The following IQSEC1 variants were observed in gnomAD, a reference collection of about 807,000 sequenced individuals.
IQSEC1 encodes IQ motif and SEC7 domain-containing protein 1.
IQSEC1 carries 31 observed loss-of-function variants against 91.0 expected under a neutral mutation model. That is an observed-to-expected ratio of 0.34 (90% CI 0.26 to 0.46). The LOEUF (loss-of-function observed/expected upper bound fraction) is 0.46. Ranked by LOEUF, IQSEC1 falls within the 20% of genes least tolerant of loss-of-function variation. The pLI is 1.00. For synonymous variants in IQSEC1, 699 were observed against 662.6 expected (o/e 1.05, Z -0.84); for missense variants, 1,388 against 1,575.6 (o/e 0.88, Z 2.02).
chr3:12,911,571 A>C, intron 10 of IQSEC1, 58 bp downstream of exon 10: 1 of 1,309,998 alleles, frequency 7.6e-7, no homozygotes, highest in Non-Finnish European at 1.1e-6. Context: ...AGCAGCCAGG[A>C]GAAAGAGCGT....
intron 1 of IQSEC1, among the ~76,000 whole-genome samples, chr3:12,999,646 C>G (rs1702346924): frequency 6.6e-6 from 1 of 152,152 alleles, no homozygotes; most frequent in East Asian, 1.9e-4. Context: ...CCGTCCCGCC[C>G]CCTGCACTTT....
At position 13,047,190 on chromosome 3, in the gene IQSEC1, A is replaced by G. The variant is rs530216617; in HGVS notation, c.23+25802T>C. ...GGATCTCGGAAGAACTATCAGCTGC[A>G]GCCTGATCCTCCGAGGGGCCTTCAG... On this transcript the variant is annotated intron_variant, in intron 1 of 13. Coordinates refer to ENST00000613206, the MANE Select transcript of IQSEC1 (RefSeq NM_001134382.3). Among the ~76,000 whole-genome samples the G allele has an allele frequency of 2.0e-5, 3 of 152,310 alleles. No homozygotes were observed. In the South Asian group the frequency reaches 6.2e-4, roughly 32 times the overall value.
intron 1 of IQSEC1, among the ~76,000 whole-genome samples, chr3:13,235,491 G>A (rs540803017): frequency 1.9e-4 from 29 of 152,250 alleles, no homozygotes; most frequent in Non-Finnish European, 2.2e-4. Context: ...CAAAATCCCT[G>A]GTGCTGAGCT....
Position 13,214,571 on chromosome 3 carries a change from C to T in IQSEC1, c.273-50438G>A, listed in dbSNP as rs9990022. Among the ~76,000 whole-genome samples, 26,202 of 152,252 alleles carry T rather than the reference C, an allele frequency of 0.17. 3,111 individuals carry two copies. The highest frequency in any genetic ancestry group is 0.33 in the East Asian group (1,711 of 5,160). The stretch of plus-strand genomic sequence containing the variant: ...CTGGGGCCTCTCACTGCCAGGTGGA[C>T]GAACCAGGGCAGGAATCCTAGCAGA... On this transcript the variant is annotated intron_variant, in intron 1 of 15. Transcript: ENST00000648114. The surrounding 1 kb of genome is among the most constrained non-coding windows in gnomAD (Gnocchi z 4.5).
chr3:13,101,496 G>A (rs944160246), intron 2 of IQSEC1, among the ~76,000 whole-genome samples: 1 of 151,928 alleles, frequency 6.6e-6, no homozygotes, highest in Non-Finnish European at 1.5e-5. Context: ...GTCTGGGAAG[G>A]CCCCGGGAAG....
At chr3:13,164,632 A>G (rs1693446148) in intron 1 of IQSEC1, among the ~76,000 whole-genome samples, 1 of 152,220 alleles carries the variant, frequency 6.6e-6, no homozygotes, top group African/African-American at 2.4e-5. Flanking sequence ...AATTACAACC[A>G]TATTACAAAG....
At chr3:13,114,555 GC>G (rs1559258029) in intron 2 of IQSEC1, among the ~76,000 whole-genome samples, 1 of 152,166 alleles carries the variant, frequency 6.6e-6, no homozygotes, top group Non-Finnish European at 1.5e-5. Context: ...AATTTGGGAG[GC>G]AGAGGCAGGT....
intron 1 of IQSEC1, among the ~76,000 whole-genome samples, chr3:13,206,152 T>G (rs1250926014): frequency 6.6e-6 from 1 of 150,378 alleles, no homozygotes; most frequent in East Asian, 2.0e-4. Context: ...CATCCACCTA[T>G]CCATCCCTCC....
chr3:13,034,418 G>A (rs142581091), intron 1 of IQSEC1, among the ~76,000 whole-genome samples: 160 of 152,328 alleles, frequency 1.1e-3, no homozygotes, highest in African/African-American at 3.7e-3. Flanking sequence ...CAGCGAGAAC[G>A]TTTCCCCGAA....
intron 1 of IQSEC1, among the ~76,000 whole-genome samples, chr3:13,064,391 A>G (rs1705168910): frequency 6.6e-6 from 1 of 152,254 alleles, no homozygotes; most frequent in African/African-American, 2.4e-5. Context: ...AACAGAACCA[A>G]GAGAATGGCT....
At chr3:12,958,178 C>A (rs930529696) in intron 1 of IQSEC1, among the ~76,000 whole-genome samples, 11 of 152,202 alleles carry the variant, frequency 7.2e-5, no homozygotes, top group African/African-American at 2.7e-4. Context: ...GCTGCCCAGA[C>A]CTGCAGCACG....
At chr3:13,068,671 C>T (rs416718) in intron 1 of IQSEC1, among the ~76,000 whole-genome samples, 32,105 of 152,158 alleles carry the variant, frequency 0.21, 3,894 homozygotes, top group South Asian at 0.3. Flanking sequence ...CACCATCCTC[C>T]CTCTGTGGCC....
At chr3:13,221,017 A>G (rs1323247670) in intron 1 of IQSEC1, among the ~76,000 whole-genome samples, 3 of 152,256 alleles carry the variant, frequency 2.0e-5, no homozygotes, top group Non-Finnish European at 4.4e-5. Context: ...CATTGTAGAG[A>G]AAGGCAGCGA....
chr3:13,239,399 C>T (rs1694983089), intron 1 of IQSEC1, among the ~76,000 whole-genome samples: 1 of 152,228 alleles, frequency 6.6e-6, no homozygotes. Flanking sequence ...CACCGCCGGG[C>T]GTGGTCCTCA....
At chr3:13,168,244 G>T (rs375276772) in intron 1 of IQSEC1, among the ~76,000 whole-genome samples, 1 of 152,120 alleles carries the variant, frequency 6.6e-6, no homozygotes, top group African/African-American at 2.4e-5. Context: ...AAATCACCAC[G>T]ATTATTTTTC....
intron 1 of IQSEC1, among the ~76,000 whole-genome samples, chr3:13,002,547 C>CAAAAAAAAA (rs57241537): frequency 1.9e-5 from 2 of 107,266 alleles, no homozygotes; most frequent in Non-Finnish European, 2.0e-5. Flanking sequence ...ACCTGATCTC[C>CAAAAAAAAA]AAAAAAAAAA....
intron 1 of IQSEC1, among the ~76,000 whole-genome samples, chr3:12,964,506 G>A (rs192020487): frequency 1.3e-5 from 2 of 152,346 alleles, no homozygotes; most frequent in African/African-American, 4.8e-5. Flanking sequence ...GAAGAGCAGA[G>A]TGCTGACCTG....
At chr3:13,160,074 C>T (rs1205019624) in intron 2 of IQSEC1, among the ~76,000 whole-genome samples, 7 of 152,194 alleles carry the variant, frequency 4.6e-5, no homozygotes, top group African/African-American at 1.7e-4. Flanking sequence ...TGAGTCATTT[C>T]ATTTGTGGAA....
chr3:12,982,681 T>TG (rs891176639), intron 1 of IQSEC1, among the ~76,000 whole-genome samples: 5 of 152,230 alleles, frequency 3.3e-5, no homozygotes, highest in Admixed American at 1.3e-4. Flanking sequence ...CAGAACTGAC[T>TG]GGGGGGTCCC....
Sources: allele counts gnomAD v4.1 joint callset (sites outside exome capture counted in the v4.1 genomes callset), GRCh38; gene constraint gnomAD v4.1.1; non-coding constraint Gnocchi (gnomAD v3.1); transcripts MANE v1.5; gene names NCBI Gene and HGNC (gene_info 2026-07-23, HGNC 2026-07-21).